Variants in XPNPEP1 observed in about 807,000 individuals in gnomAD.
XPNPEP1 encodes xaa-Pro aminopeptidase 1.
XPNPEP1 carries 39 observed loss-of-function variants against 92.4 expected under a neutral mutation model. The observed-to-expected ratio is 0.42, with a 90% CI of 0.33 to 0.55. The LOEUF is 0.55. Among genes scored for constraint, XPNPEP1 ranks in the 20% least tolerant of loss-of-function variants. The pLI, the probability that XPNPEP1 is intolerant of heterozygous loss-of-function variation, is 0.08. For synonymous variants in XPNPEP1, 307 were observed against 299.4 expected (o/e 1.03, Z -0.26); for missense variants, 654 against 856.1 (o/e 0.76, Z 2.95).
chr10:109,880,777 A>G, intron 11 of XPNPEP1, 65 bp downstream of exon 11: 5 of 1,487,290 alleles, frequency 3.4e-6, no homozygotes, highest in Non-Finnish European at 9.3e-7. Context: ...GCCACAGAGG[A>G]GGTGAAGGAG....
chr10:109,885,629 A>G (rs1318665165), intron 8 of XPNPEP1, among the ~76,000 whole-genome samples: 1 of 152,244 alleles, frequency 6.6e-6, no homozygotes, highest in South Asian at 2.1e-4. Context: ...GCAAAAAGAT[A>G]AAGCAGTGCC....
At chr10:109,885,305 G>GA (rs1271425975) in intron 8 of XPNPEP1, among the ~76,000 whole-genome samples, 2 of 152,034 alleles carry the variant, frequency 1.3e-5, no homozygotes, top group Admixed American at 6.5e-5. Flanking sequence ...CTGATACAGT[G>GA]AAAAAATCAG....
intron 14 of XPNPEP1, chr10:109,877,509 T>A (rs887916639): frequency 3.3e-5 from 14 of 426,358 alleles, no homozygotes; most frequent in African/African-American, 2.6e-4. Context: ...GGGCTATGCA[T>A]ACAGTTCCTG....
At position 109,907,731 on chromosome 10, in the gene XPNPEP1, G is replaced by A. The variant is rs754491119; in HGVS notation, c.206C>T (p.Pro69Leu). 22 of 1,614,090 alleles carry A rather than the reference G, an allele frequency of 1.4e-5. No homozygotes were observed. The highest frequency in any genetic ancestry group is 1.3e-5 in the Non-Finnish European group (15 of 1,180,040). ...CGATGGGATGATGTAGGCCTGGATC[G>A]GTTCGGTCACATACTCAGAGTTCCT... ...AMRNSEYVTE[P>L]IQAYIIPSGD... The change falls in exon 3 of 21, where the codon CCG (proline) becomes CTG (leucine). Residue 69 changes from proline (P) to leucine (L), a missense_variant. Coordinates refer to ENST00000502935, the MANE Select transcript of XPNPEP1 (RefSeq NM_020383.4).
At chr10:109,865,373 C>CAA in intron 20 of XPNPEP1, 61 bp from the exon 21 acceptor site, 1 of 1,605,958 alleles carries the variant, frequency 6.2e-7, no homozygotes. Flanking sequence ...ACTGGCTACA[C>CAA]AGGTCAACAG....
At chr10:109,922,535 C>G (rs1423873406) in intron 1 of XPNPEP1, among the ~76,000 whole-genome samples, 3 of 152,290 alleles carry the variant, frequency 2.0e-5, no homozygotes, top group African/African-American at 7.2e-5. Context: ...TGGGACCCCC[C>G]TACTCACAAA....
At chr10:109,880,303 T>C in intron 11 of XPNPEP1, 65 bp from the exon 12 acceptor site, 1 of 1,544,854 alleles carries the variant, frequency 6.5e-7, no homozygotes, top group African/African-American at 1.4e-5. Flanking sequence ...ATTCAGAGCC[T>C]AGCCCTAATG....
At chr10:109,870,496 C>A (rs897201858) in intron 18 of XPNPEP1, among the ~76,000 whole-genome samples, 1 of 152,094 alleles carries the variant, frequency 6.6e-6, no homozygotes, top group Non-Finnish European at 1.5e-5. Context: ...CAGTAAAACA[C>A]TAAGTCATGT....
In XPNPEP1 at chr10:109,870,840, C is replaced by A. The variant is rs920869143; in HGVS notation, c.1587G>T (p.Gly529=). The change falls in exon 18 of 21, where the codon GGG becomes GGT. Residue 529 remains glycine, a synonymous_variant. Transcript: ENST00000502935. ...LWDSGLDYLH[G]TGHGVGSFLN... ...AAAAAGACCCAACACCATGTCCAGT[C>A]CCGTGCAAGTAATCTAGGCCTGAAT... 6 of 1,613,986 alleles carry A rather than the reference C, an allele frequency of 3.7e-6. No homozygotes were observed. The highest frequency in any genetic ancestry group is 1.3e-5 in the African/African-American group (1 of 74,904).
At chr10:109,880,569 G>C (rs1427018472) in intron 11 of XPNPEP1, among the ~76,000 whole-genome samples, 1 of 151,968 alleles carries the variant, frequency 6.6e-6, no homozygotes, top group Non-Finnish European at 1.5e-5. Context: ...GCCACCTCTG[G>C]GCCCAAAATC....
Position 109,884,261 on chromosome 10 carries a change from G to T in XPNPEP1, c.749-113C>A. The T allele has an allele frequency of 4.0e-6, 4 of 1,012,594 alleles. 1 individual carries two copies. Among genetic ancestry groups the T allele is most frequent in the Non-Finnish European group, 5.9e-6 (4 of 677,672 alleles). 62.7% of individuals were successfully genotyped at this position (1,012,594 alleles called of 1,614,324 possible). A position where few individuals can be genotyped will look rare whatever the true frequency, so the allele number is the denominator to read the frequency against. On this transcript the variant is annotated intron_variant, in intron 8 of 20. Transcript: ENST00000502935. ...AGTCCAGCTGCTGCGCAAGGATTCAGTGGAATCGCACAGAAAGGCTGGAAG... is the reference window on the plus strand; with the variant it reads ...AGTCCAGCTGCTGCGCAAGGATTCATTGGAATCGCACAGAAAGGCTGGAAG...
In XPNPEP1 at chr10:109,888,087, G is replaced by A; in HGVS notation, c.614C>T (p.Pro205Leu). 2 of 1,614,098 alleles carry A rather than the reference G, an allele frequency of 1.2e-6. No homozygotes were observed. The highest frequency in any genetic ancestry group is 1.7e-6 in the Non-Finnish European group (2 of 1,180,030). Residue 205 changes from proline (P) to leucine (L), a missense_variant, in exon 7 of 21, where the codon CCT becomes CTT. By Grantham distance (98) the Pro-to-Leu change is moderately conservative. Coordinates refer to ENST00000502935, the MANE Select transcript of XPNPEP1 (RefSeq NM_020383.4). Reference protein sequence around the residue: ...DKIWTDRPERPCKPLLTLGLD... With the variant: ...DKIWTDRPERLCKPLLTLGLD... Reference sequence around the variant, plus strand: ...GCCCAGTGTGAGGAGAGGCTTGCAAGGGCGCTCAGGACGGTCTGTCCAGAT... The same window carrying A: ...GCCCAGTGTGAGGAGAGGCTTGCAAAGGCGCTCAGGACGGTCTGTCCAGAT...
intron 3 of XPNPEP1, among the ~76,000 whole-genome samples, chr10:109,895,947 C>T (rs1848964274): frequency 6.6e-6 from 1 of 152,118 alleles, no homozygotes; most frequent in Non-Finnish European, 1.5e-5. Context: ...AGATAAAATC[C>T]AAACTCTGGC....
intron 3 of XPNPEP1, among the ~76,000 whole-genome samples, chr10:109,905,819 C>T (rs907114809): frequency 1.3e-5 from 2 of 152,198 alleles, no homozygotes; most frequent in Non-Finnish European, 2.9e-5. Flanking sequence ...AACAGGAATA[C>T]TGAAGAACAC....
At chr10:109,911,469 G>A (rs567804573) in intron 2 of XPNPEP1, among the ~76,000 whole-genome samples, 9 of 152,240 alleles carry the variant, frequency 5.9e-5, no homozygotes, top group African/African-American at 1.2e-4. Context: ...AAAAGGGATC[G>A]GAAGTATCTG....
chr10:109,907,579 G>C, intron 3 of XPNPEP1, 112 bp downstream of exon 3: 1 of 1,500,558 alleles, frequency 6.7e-7, no homozygotes, highest in Non-Finnish European at 9.0e-7. Context: ...GCAAGCCCTG[G>C]AAGGGCTTGG....
chr10:109,880,975 C>T (rs1848061767), intron 10 of XPNPEP1, 44 bp from the exon 11 acceptor site: 3 of 1,578,156 alleles, frequency 1.9e-6, no homozygotes, highest in East Asian at 4.5e-5. Flanking sequence ...ACCGGCTCCA[C>T]CCACCCAAGA....
rs941503890 is a variant in XPNPEP1 at position 109,867,499 on chromosome 10, A to C, written c.1872+1115T>G. On this transcript the variant is annotated intron_variant, in intron 20 of 20. Coordinates refer to ENST00000502935, the MANE Select transcript of XPNPEP1 (RefSeq NM_020383.4). This position sits in a 1 kb window ranked among gnomAD's most constrained non-coding sequence, Gnocchi z 4.5. ...GCTCAAGCACAGAGGAAAGCTAAGCAGGAAGTGGATGGACTTTCTCATCAC... is the reference window on the plus strand; with the variant it reads ...GCTCAAGCACAGAGGAAAGCTAAGCCGGAAGTGGATGGACTTTCTCATCAC... Among the ~76,000 whole-genome samples, 4 of 152,270 alleles carry C rather than the reference A, an allele frequency of 2.6e-5. No homozygotes were observed. Among genetic ancestry groups the C allele is most frequent in the African/African-American group, 9.6e-5 (4 of 41,476 alleles).
chr10:109,891,179 AT>A (rs1848685551), intron 5 of XPNPEP1: 1 of 152,334 alleles, frequency 6.6e-6, no homozygotes, highest in Non-Finnish European at 1.5e-5. Context: ...TCACCACTTT[AT>A]ATGTTACTTA....
Sources: allele counts gnomAD v4.1 joint callset (sites outside exome capture counted in the v4.1 genomes callset), GRCh38; gene constraint gnomAD v4.1.1; non-coding constraint Gnocchi (gnomAD v3.1); transcripts MANE v1.5; gene names NCBI Gene and HGNC (gene_info 2026-07-23, HGNC 2026-07-21).